ZDHHC6: variants seen among roughly 807,000 people sequenced by gnomAD.
ZDHHC6 encodes zDHHC palmitoyltransferase 6.
ZDHHC6 carries 32 observed loss-of-function variants against 57.8 expected under a neutral mutation model. That is an observed-to-expected ratio of 0.55 (90% CI 0.42 to 0.74). The LOEUF (loss-of-function observed/expected upper bound fraction) is 0.74. Ranked by LOEUF, ZDHHC6 falls within the 30% of genes least tolerant of loss-of-function variation. The pLI, the probability that ZDHHC6 is intolerant of heterozygous loss-of-function variation, is 0.00. For synonymous variants in ZDHHC6, 128 were observed against 158.0 expected, an observed-to-expected ratio of 0.81 and a Z score of 1.42; for missense variants, 433 against 500.7, an observed-to-expected ratio of 0.86 and a Z score of 1.29.
downstream of ZDHHC6, among the ~76,000 whole-genome samples, chr10:112,430,037 C>A (rs888474671): frequency 6.6e-6 from 1 of 152,188 alleles, no homozygotes; most frequent in African/African-American, 2.4e-5. Context: ...TCCGCAGCCA[C>A]GGCTGGACAG....
chr10:112,444,469 A>C (rs1319297639), intron 2 of ZDHHC6, among the ~76,000 whole-genome samples: 1 of 152,222 alleles, frequency 6.6e-6, no homozygotes, highest in Non-Finnish European at 1.5e-5. Flanking sequence ...TTCAAATTAC[A>C]TCTTACCCTC....
At chr10:112,447,307 C>T (rs568599550), upstream of ZDHHC6, 20 of 1,543,884 alleles carry the variant, frequency 1.3e-5, no homozygotes, top group East Asian at 3.6e-4. Flanking sequence ...CGCGGGGCCC[C>T]TCGCTGCCCC....
intron 1 of ZDHHC6, among the ~76,000 whole-genome samples, chr10:112,446,192 C>G (rs1366245288): frequency 6.6e-6 from 1 of 152,112 alleles, no homozygotes; most frequent in Non-Finnish European, 1.5e-5. Flanking sequence ...CCCCGCCACC[C>G]AAACATCAAG....
downstream of ZDHHC6, chr10:112,426,832 A>G: frequency 6.2e-7 from 1 of 1,614,028 alleles, no homozygotes; most frequent in South Asian, 1.1e-5. Context: ...AAATTGGGAA[A>G]GAAAGTGGCC....
chr10:112,438,124 G>A (rs530538627), intron 6 of ZDHHC6, among the ~76,000 whole-genome samples: 1 of 152,320 alleles, frequency 6.6e-6, no homozygotes, highest in East Asian at 1.9e-4. Flanking sequence ...GCACCTTTCT[G>A]TGGGAGTTAC....
chr10:112,430,637 C>A lies in ZDHHC6; in HGVS notation c.*167G>T. 3.6e-6 allele frequency: 2 copies of A among 551,712 alleles called. No homozygotes were observed. Among genetic ancestry groups the A allele is most frequent in the East Asian group, 3.2e-5 (1 of 31,564 alleles). 34.2% of individuals were successfully genotyped at this position (551,712 alleles called of 1,614,324 possible). A position where few individuals can be genotyped will look rare whatever the true frequency, so the allele number is the denominator to read the frequency against. ...GAATTCAAAGGCATATGCAGAATGG[C>A]TTCTCCATTTCAAAATGGTAATAAA... On this transcript the variant is annotated 3_prime_UTR_variant, in exon 11 of 11. Transcript: ENST00000369405.
At chr10:112,434,595 T>G (rs185785533) in intron 6 of ZDHHC6, 131 bp from the exon 7 acceptor site, 1 of 918,038 alleles carries the variant, frequency 1.1e-6, no homozygotes, top group Non-Finnish European at 1.6e-6. Flanking sequence ...GTAATATTAG[T>G]GTACATGGAA....
intron 3 of ZDHHC6, 27 bp downstream of exon 3, chr10:112,443,488 T>C (rs1564768605): frequency 1.2e-6 from 2 of 1,601,620 alleles, no homozygotes; most frequent in Non-Finnish European, 8.6e-7. Context: ...TGATCAGTCC[T>C]CGCTGAACAG....
At chr10:112,428,353 C>T (rs997437972), downstream of ZDHHC6, 11 of 398,200 alleles carry the variant, frequency 2.8e-5, no homozygotes, top group African/African-American at 2.3e-4. Flanking sequence ...AATGTAAAGT[C>T]TTTAAAATAA....
chr10:112,447,039 ACGAAG>A, upstream of ZDHHC6: 1 of 284,692 alleles, frequency 3.5e-6, no homozygotes, highest in Non-Finnish European at 6.9e-6. Context: ...TTCCCAGAAC[ACGAAG>A]GGGGGAAAAA....
chr10:112,437,262 T>C (rs1845633416), intron 6 of ZDHHC6, among the ~76,000 whole-genome samples: 1 of 152,206 alleles, frequency 6.6e-6, no homozygotes, highest in Non-Finnish European at 1.5e-5. Context: ...TATTGTATAA[T>C]GAAAGGTGTT....
In ZDHHC6 at chr10:112,445,352, CA is replaced by C. The variant is rs1245149755; in HGVS notation, c.84del (p.Gly29ValfsTer3). 1 of 1,614,082 alleles carries C rather than the reference CA, an allele frequency of 6.2e-7. No homozygotes were observed. The highest frequency in any genetic ancestry group is 8.5e-7 in the Non-Finnish European group (1 of 1,180,060). ...RLCHWGPIIA[L>X]GVIAICSTMA... is the part of the protein sequence containing the mutation. Reference sequence around the variant, plus strand: ...ATGGTAGAACATATTGCTATAACACCAAGGGCTATGATGGGACCCCAGTGAC... The same window carrying C: ...ATGGTAGAACATATTGCTATAACACCAGGGCTATGATGGGACCCCAGTGAC... On this transcript the variant is annotated frameshift_variant, in exon 2 of 11. Coordinates refer to ENST00000369405, the MANE Select transcript of ZDHHC6 (RefSeq NM_022494.3). LOFTEE classifies it high-confidence loss of function.
chr10:112,426,396 G>T, downstream of ZDHHC6: 1 of 1,569,490 alleles, frequency 6.4e-7, no homozygotes, highest in South Asian at 1.1e-5. Context: ...GCACACCCAT[G>T]GGCCCATCGT....
intron 10 of ZDHHC6, among the ~76,000 whole-genome samples, chr10:112,431,589 C>T (rs1373200349): frequency 3.3e-5 from 5 of 152,188 alleles, no homozygotes; most frequent in Non-Finnish European, 5.9e-5. Context: ...CCTGGGATTA[C>T]AGGCATGAGT....
chr10:112,446,078 A>T (rs1402512525), intron 1 of ZDHHC6, among the ~76,000 whole-genome samples: 2 of 152,234 alleles, frequency 1.3e-5, no homozygotes, highest in Admixed American at 1.3e-4. Flanking sequence ...AAGGCAAGTC[A>T]ACGACCTCCC....
intron 4 of ZDHHC6, 143 bp downstream of exon 4, chr10:112,442,049 C>T (rs1049621159): frequency 2.1e-6 from 2 of 939,742 alleles, no homozygotes; most frequent in Admixed American, 7.0e-5. Context: ...TAAAAAGGAA[C>T]CCATATACCA....
intron 6 of ZDHHC6, among the ~76,000 whole-genome samples, chr10:112,436,017 C>A (rs1281562662): frequency 6.6e-6 from 1 of 152,108 alleles, no homozygotes; most frequent in Non-Finnish European, 1.5e-5. Context: ...TTAACTAAGT[C>A]TTGAGAAGCA....
At chr10:112,429,968 G>A (rs186215097), downstream of ZDHHC6, among the ~76,000 whole-genome samples, 527 of 63,900 alleles carry the variant, frequency 8.2e-3, 1 homozygote, top group African/African-American at 0.016. Flanking sequence ...GCAGTTGTTG[G>A]GGGGGGGGTG....
chr10:112,433,432 A>G, intron 7 of ZDHHC6, 151 bp from the exon 8 acceptor site: 1 of 580,198 alleles, frequency 1.7e-6, no homozygotes, highest in Non-Finnish European at 2.8e-6. Context: ...AGGTTGTTTT[A>G]GCATGGAAAA....
Sources: gnomAD v4.1 joint callset for allele counts (sites outside exome capture counted in the v4.1 genomes callset) on GRCh38, gnomAD v4.1.1 for gene constraint, MANE v1.5 for transcripts, NCBI Gene and HGNC (gene_info 2026-07-23, HGNC 2026-07-21) for gene names.